The following MDGA2 variants were observed in gnomAD, a reference collection of about 807,000 sequenced individuals.
MDGA2 encodes MAM domain containing glycosylphosphatidylinositol anchor 2, also known as MAM domain-containing glycosylphosphatidylinositol anchor protein 2.
In MDGA2, 40 loss-of-function variants were observed where a neutral mutation model predicts 117.8. The ratio of observed to expected loss-of-function variants is 0.34; its 90% confidence interval spans 0.26 to 0.44. The LOEUF is 0.44. Among genes scored for constraint, MDGA2 ranks in the 20% least tolerant of loss-of-function variants. MDGA2 has a pLI of 1.00. For synonymous variants in MDGA2, 452 were observed against 439.0 expected (o/e 1.03, Z -0.37); for missense variants, 1,123 against 1,250.6 (o/e 0.90, Z 1.54).
intron 1 of MDGA2, among the ~76,000 whole-genome samples, chr14:47,331,271 G>A (rs1468937111): frequency 5.9e-5 from 9 of 151,888 alleles, no homozygotes; most frequent in Middle Eastern, 6.8e-3. Context: ...TTATAAACTG[G>A]TAGGTGACAT....
intron 1 of MDGA2, among the ~76,000 whole-genome samples, chr14:47,376,967 A>G (rs948055170): frequency 2.0e-5 from 3 of 152,198 alleles, no homozygotes; most frequent in Admixed American, 6.5e-5. Flanking sequence ...GGACTATAGA[A>G]AAAATAAAGA....
chr14:46,850,449 TC>T (rs1050772715), intron 15 of MDGA2, among the ~76,000 whole-genome samples: 3 of 151,846 alleles, frequency 2.0e-5, no homozygotes, highest in Non-Finnish European at 4.4e-5. Context: ...CAACATAGTT[TC>T]TTCCTGACAA....
intron 1 of MDGA2, among the ~76,000 whole-genome samples, chr14:47,415,271 A>C (rs1041642094): frequency 6.6e-6 from 1 of 152,194 alleles, no homozygotes; most frequent in Non-Finnish European, 1.5e-5. Context: ...TTTGCCTCAT[A>C]GTCTCAGACA....
At chr14:47,373,563 C>T (rs562465271) in intron 1 of MDGA2, among the ~76,000 whole-genome samples, 21 of 152,080 alleles carry the variant, frequency 1.4e-4, no homozygotes, top group Admixed American at 1.4e-3. Context: ...CAAAAGACCA[C>T]ATAGTATATG....
intron 3 of MDGA2, among the ~76,000 whole-genome samples, chr14:47,171,388 T>G (rs1054767657): frequency 1.3e-5 from 2 of 152,152 alleles, no homozygotes; most frequent in Admixed American, 1.3e-4. Flanking sequence ...TCAAACAATT[T>G]CACACTGTTA....
chr14:47,370,327 A>G (rs1891318979), intron 1 of MDGA2, among the ~76,000 whole-genome samples: 1 of 151,158 alleles, frequency 6.6e-6, no homozygotes, highest in Non-Finnish European at 1.5e-5. Flanking sequence ...AAAAAAGCAG[A>G]TTAAGAGAAA....
intron 2 of MDGA2, among the ~76,000 whole-genome samples, chr14:47,278,442 TC>T (rs1169247203): frequency 3.3e-5 from 5 of 151,616 alleles, no homozygotes; most frequent in Admixed American, 6.6e-5. Flanking sequence ...CCCCTAGAGG[TC>T]CTCTGTGTTT....
intron 9 of MDGA2, among the ~76,000 whole-genome samples, chr14:46,933,250 A>G (rs1353095495): frequency 1.3e-5 from 2 of 152,070 alleles, no homozygotes; most frequent in African/African-American, 4.8e-5. Flanking sequence ...TAGAAAATCA[A>G]GAGACTTTAC....
chr14:47,131,731 C>A lies in MDGA2; in HGVS notation c.908G>T (p.Arg303Ile). 6.4e-7 allele frequency: 1 copy of A among 1,573,864 alleles called. No individual in the cohort carries two copies. The highest frequency in any genetic ancestry group is 8.7e-7 in the Non-Finnish European group (1 of 1,151,040). The part of the protein sequence containing the change: ...CNIPDKMVSF[R>I]LSNKTASPSI... ...TTCCATACCTGTTTTATTGGACAGT[C>A]TAAACGACACCATCTTATCAGGAAT... The change falls in exon 5 of 17, where the codon AGA becomes ATA. Residue 303 changes from arginine (R) to isoleucine (I), a missense_variant. Arg to Ile is a moderately conservative substitution (Grantham distance 97). Around this residue, in one of 2 missense-constraint regions of MDGA2, gnomAD observed 890 missense variants for 1,050.3 expected, o/e 0.85. Coordinates refer to ENST00000399232, the MANE Select transcript of MDGA2 (RefSeq NM_001113498.3).
intron 5 of MDGA2, among the ~76,000 whole-genome samples, chr14:47,116,634 G>A (rs1186647287): frequency 1.3e-5 from 2 of 151,778 alleles, no homozygotes; most frequent in African/African-American, 2.4e-5. Context: ...AGTGGGTCAA[G>A]AAAACACAAT....
intron 1 of MDGA2, among the ~76,000 whole-genome samples, chr14:47,435,125 G>A (rs1242391571): frequency 6.6e-6 from 1 of 152,030 alleles, no homozygotes; most frequent in East Asian, 1.9e-4. Context: ...GACAGAGCAA[G>A]ACTCCATCTC....
chr14:47,363,856 T>G (rs1251791060), intron 1 of MDGA2, among the ~76,000 whole-genome samples: 1 of 152,108 alleles, frequency 6.6e-6, no homozygotes, highest in Non-Finnish European at 1.5e-5. Flanking sequence ...TATTTCTAGA[T>G]AGCATCTAAT....
chr14:47,661,640 A>G (rs1054243564), intron 1 of MDGA2, among the ~76,000 whole-genome samples: 2 of 152,156 alleles, frequency 1.3e-5, no homozygotes, highest in African/African-American at 4.8e-5. Flanking sequence ...CTTCAAATAT[A>G]CACATTACTG....
chr14:47,006,797 T>C (rs1887727973), intron 8 of MDGA2, among the ~76,000 whole-genome samples: 2 of 151,716 alleles, frequency 1.3e-5, no homozygotes, highest in African/African-American at 4.8e-5. Flanking sequence ...CAAACTGATC[T>C]TTAAACAGAG....
chr14:47,247,565 A>G (rs1887286549), intron 2 of MDGA2, among the ~76,000 whole-genome samples: 2 of 151,492 alleles, frequency 1.3e-5, no homozygotes, highest in Non-Finnish European at 1.5e-5. Context: ...GGCCTCCCAA[A>G]GTGCTGGGAT....
rs1886127526 is a variant in MDGA2, at chr14:46,968,546, G to C, written c.1820-10903C>G. ...AAAGACTTCATTTAAAAAATTCCTA[G>C]ATTTGGGCCGGGCACAGTGACTCAC... On this transcript the variant is annotated intron_variant, in intron 8 of 16. Coordinates refer to ENST00000399232, the MANE Select transcript of MDGA2 (RefSeq NM_001113498.3). Among the ~76,000 whole-genome samples the C allele has an allele frequency of 2.0e-5, 3 of 152,034 alleles. No homozygotes were observed. In the South Asian group the frequency reaches 6.2e-4, roughly 32 times the overall value.
intron 1 of MDGA2, among the ~76,000 whole-genome samples, chr14:47,648,626 A>G (rs1326140459): frequency 6.6e-6 from 1 of 152,124 alleles, no homozygotes. Context: ...GTGGGCTGGT[A>G]TAGTCAGAGA....
At chr14:47,473,201 G>T (rs1893765499) in intron 1 of MDGA2, among the ~76,000 whole-genome samples, 1 of 152,176 alleles carries the variant, frequency 6.6e-6, no homozygotes, top group Non-Finnish European at 1.5e-5. Flanking sequence ...CAGGGGCACA[G>T]ACCCCACTGG....
At chr14:47,637,474 A>C (rs899312091) in intron 1 of MDGA2, among the ~76,000 whole-genome samples, 8 of 152,218 alleles carry the variant, frequency 5.3e-5, no homozygotes, top group African/African-American at 9.6e-5. Context: ...ATACAGCCAA[A>C]TTGTCACTTA....
Sources: gnomAD v4.1 joint callset for allele counts (sites outside exome capture counted in the v4.1 genomes callset) on GRCh38, gnomAD v4.1.1 for gene constraint, gnomAD v4.1.1 regional missense constraint, MANE v1.5 for transcripts, NCBI Gene and HGNC (gene_info 2026-07-23, HGNC 2026-07-21) for gene names.